CLNK: variants seen among roughly 807,000 people sequenced by gnomAD.
CLNK encodes cytokine dependent hematopoietic cell linker.
Under a neutral mutation model 68.6 loss-of-function variants are expected in CLNK, and 74 were observed. The observed-to-expected ratio is 1.08, with a 90% CI of 0.89 to 1.31. CLNK has a LOEUF of 1.31. CLNK is among the 50% of genes most tolerant of loss of function. The pLI is 0.00. For synonymous variants in CLNK, 198 were observed against 172.2 expected, an observed-to-expected ratio of 1.15 and a Z score of -1.17; for missense variants, 553 against 515.3, an observed-to-expected ratio of 1.07 and a Z score of -0.71.
At chr4:10,563,366 A>C (rs1456422083) in intron 7 of CLNK, among the ~76,000 whole-genome samples, 2 of 152,228 alleles carry the variant, frequency 1.3e-5, no homozygotes, top group African/African-American at 4.8e-5. Flanking sequence ...TGGTAAATGG[A>C]AACAATTTTT....
rs1716372384 is a variant in CLNK at position 10,486,851 on chromosome 4, C to T, written c.*3616G>A. ...TAAGTGTTAAAATAGAAATCCAATC[C>T]AGTAATGGGAAACTGACTTAGATTA... On this transcript the variant is annotated 3_prime_UTR_variant, in exon 19 of 19. Coordinates refer to ENST00000226951, the MANE Select transcript of CLNK (RefSeq NM_052964.4). 1 of 152,164 alleles carries T rather than the reference C, an allele frequency of 6.6e-6. No homozygotes were observed. The highest frequency in any genetic ancestry group is 2.4e-5 in the African/African-American group (1 of 41,442). The allele number at this position is 152,164 out of a possible 1,614,324, so 9.4% of individuals were successfully genotyped here.
At chr4:10,623,088 A>G (rs1722525011) in intron 2 of CLNK, among the ~76,000 whole-genome samples, 1 of 152,214 alleles carries the variant, frequency 6.6e-6, no homozygotes, top group Non-Finnish European at 1.5e-5. Context: ...AGTCCATAGC[A>G]GTAAATTATA....
intron 2 of CLNK, among the ~76,000 whole-genome samples, chr4:10,634,537 A>C (rs1428092484): frequency 7.2e-5 from 11 of 152,226 alleles, no homozygotes; most frequent in Non-Finnish European, 1.6e-4. Flanking sequence ...AGAACCCAGC[A>C]GCCTGGATTC....
chr4:10,699,512 A>ATATATATTTTTTTTT, the CLNK span, among the ~76,000 whole-genome samples: 2 of 32,728 alleles, frequency 6.1e-5, no homozygotes, highest in East Asian at 9.2e-4. Flanking sequence ...ATATATATAT[A>ATATATATTTTTTTTT]TTTTTTTTTT....
chr4:10,684,213 G>T (rs1009077664), intron 1 of CLNK, among the ~76,000 whole-genome samples: 2 of 152,166 alleles, frequency 1.3e-5, no homozygotes, highest in Non-Finnish European at 2.9e-5. Context: ...AAAGCAGAAA[G>T]AAAATCGTAT....
At position 10,567,389 on chromosome 4, in the gene CLNK, A is replaced by T. The variant is rs956291630; in HGVS notation, c.151-1239T>A. 3.9e-5 allele frequency among the ~76,000 whole-genome samples: 6 copies of T among 152,210 alleles called. No individual in the cohort carries two copies. In the South Asian group the frequency reaches 1.0e-3, roughly 26 times the overall value. On this transcript the variant is annotated intron_variant, in intron 5 of 18. Coordinates refer to ENST00000226951, the MANE Select transcript of CLNK (RefSeq NM_052964.4). ...CTAGGACAACTGGATATCCACATGC[A>T]TGGCAGTGAGGCTGAACCTCTTTTT...
intron 1 of CLNK, among the ~76,000 whole-genome samples, chr4:10,677,877 C>A (rs1724938803): frequency 8.2e-6 from 1 of 122,604 alleles, no homozygotes; most frequent in South Asian, 2.6e-4. Context: ...TTACTGCTTA[C>A]CAGAACCGTA....
intron 18 of CLNK, among the ~76,000 whole-genome samples, chr4:10,497,264 T>C (rs1220846971): frequency 6.6e-6 from 1 of 152,208 alleles, no homozygotes; most frequent in Non-Finnish European, 1.5e-5. Flanking sequence ...TTCCAGTGCA[T>C]ATAAAACCCC....
At chr4:10,543,263 G>A (rs923388910) in intron 8 of CLNK, among the ~76,000 whole-genome samples, 7 of 152,170 alleles carry the variant, frequency 4.6e-5, no homozygotes, top group African/African-American at 1.4e-4. Flanking sequence ...TCAGAAGAAG[G>A]CTCCTTGGAA....
At chr4:10,684,515 T>G (rs1725197311) in intron 1 of CLNK, among the ~76,000 whole-genome samples, 153 bp downstream of exon 1, 2 of 152,226 alleles carry the variant, frequency 1.3e-5, no homozygotes, top group Non-Finnish European at 2.9e-5. Flanking sequence ...AGTTAAGGGC[T>G]TTCTTCTTGC....
the CLNK span, among the ~76,000 whole-genome samples, chr4:10,695,787 A>G: frequency 6.6e-6 from 1 of 151,918 alleles, no homozygotes; most frequent in Non-Finnish European, 1.5e-5. Context: ...AGTTTCATTT[A>G]TTACCCCTAT....
chr4:10,525,721 T>C, intron 14 of CLNK, 120 bp downstream of exon 14: 1 of 615,390 alleles, frequency 1.6e-6, no homozygotes, highest in Non-Finnish European at 2.9e-6. Flanking sequence ...TGAGCCTCAT[T>C]ATTGGGCTTC....
intron 18 of CLNK, among the ~76,000 whole-genome samples, chr4:10,495,783 G>A (rs1481973491): frequency 1.3e-5 from 2 of 151,496 alleles, no homozygotes; most frequent in Admixed American, 6.6e-5. Flanking sequence ...AGAAGGTCAC[G>A]TGACCATAGA....
chr4:10,678,212 G>A (rs1456865246), intron 1 of CLNK, among the ~76,000 whole-genome samples: 1 of 152,186 alleles, frequency 6.6e-6, no homozygotes, highest in Admixed American at 6.5e-5. Flanking sequence ...ACAGTGAATT[G>A]TACAACTTGA....
intron 1 of CLNK, among the ~76,000 whole-genome samples, chr4:10,683,906 A>G (rs977408282): frequency 9.8e-5 from 15 of 152,346 alleles, no homozygotes; most frequent in African/African-American, 3.6e-4. Context: ...AGTAATACTC[A>G]TAACAGAGAA....
At chr4:10,725,229 C>T in the CLNK span, among the ~76,000 whole-genome samples, 44,635 of 137,804 alleles carry the variant, frequency 0.32, 6,697 homozygotes, top group African/African-American at 0.35. Flanking sequence ...CGATTTAATG[C>T]CTTGACTGGA....
chr4:10,570,772 A>G (rs924903678), intron 5 of CLNK, among the ~76,000 whole-genome samples: 2 of 152,206 alleles, frequency 1.3e-5, no homozygotes, highest in Non-Finnish European at 2.9e-5. Flanking sequence ...ATTTGCTTGT[A>G]ATAAAATATA....
the CLNK span, among the ~76,000 whole-genome samples, chr4:10,733,300 C>T: frequency 6.5e-3 from 990 of 152,246 alleles, 7 homozygotes; most frequent in Middle Eastern, 0.014. Context: ...GTCACCACCA[C>T]CCCGGACATT....
the CLNK span, among the ~76,000 whole-genome samples, chr4:10,729,211 T>C: frequency 1.3e-5 from 2 of 152,316 alleles, no homozygotes; most frequent in African/African-American, 2.4e-5. Context: ...CTGGATTGTC[T>C]TTTACTGGTC....
Sources: gnomAD v4.1 joint callset for allele counts (sites outside exome capture counted in the v4.1 genomes callset) on GRCh38, gnomAD v4.1.1 for gene constraint, MANE v1.5 for transcripts, NCBI Gene and HGNC (gene_info 2026-07-23, HGNC 2026-07-21) for gene names.